Variants in FAM162A observed in about 807,000 individuals in gnomAD.
FAM162A encodes family with sequence similarity 162 member A.
In FAM162A, 23 loss-of-function variants were observed where a neutral mutation model predicts 21.8. The ratio of observed to expected loss-of-function variants is 1.05; its 90% confidence interval spans 0.76 to 1.49. The LOEUF (loss-of-function observed/expected upper bound fraction) is 1.49, where lower values mean the gene tolerates loss of function less well. FAM162A is among the 40% of genes most tolerant of loss of function. The probability of loss-of-function intolerance (pLI) is 0.00; values close to 1 mark genes in which losing one functional copy is unlikely to be tolerated. For synonymous variants in FAM162A, 53 were observed against 61.3 expected, an observed-to-expected ratio of 0.86 and a Z score of 0.64; for missense variants, 165 against 186.4, an observed-to-expected ratio of 0.89 and a Z score of 0.67.
At position 122,410,535 on chromosome 3, in the gene FAM162A, C is replaced by CTGTT. The variant is rs1476735765; in HGVS notation, c.*705_*708dup. ...ATTATAAAAATCTCATGTATTATTA[C>CTGTT]TGTTAGAAGTATTTGCACCTCATAT... On this transcript the variant is annotated 3_prime_UTR_variant, in exon 5 of 5. Coordinates refer to ENST00000477892, the MANE Select transcript of FAM162A (RefSeq NM_014367.4). The CTGTT allele has an allele frequency of 6.6e-6, 1 of 152,578 alleles. No homozygotes were observed. Among genetic ancestry groups the CTGTT allele is most frequent in the African/African-American group, 2.4e-5 (1 of 41,446 alleles). The allele number at this position is 152,578 out of a possible 1,614,324, so 9.5% of individuals were successfully genotyped here.
rs556292604 is a variant in FAM162A, at chr3:122,410,197, T to C, written c.*366T>C. On this transcript the variant is annotated 3_prime_UTR_variant, in exon 5 of 5. Transcript: ENST00000477892. ...AGATAAGGAAGGCCAGTTGAGTATATGGCCCAGGTGCAGCTTGGAGGGCCA... is the reference window on the plus strand; with the variant it reads ...AGATAAGGAAGGCCAGTTGAGTATACGGCCCAGGTGCAGCTTGGAGGGCCA... The C allele has an allele frequency of 2.9e-6, 1 of 343,898 alleles. No homozygotes were observed. 21.3% of individuals were successfully genotyped at this position (343,898 alleles called of 1,614,324 possible). A position where few individuals can be genotyped will look rare whatever the true frequency, so the allele number is the denominator to read the frequency against.
At chr3:122,392,065 A>G (rs1386081947) in intron 1 of FAM162A, among the ~76,000 whole-genome samples, 1 of 152,234 alleles carries the variant, frequency 6.6e-6, no homozygotes, top group East Asian at 1.9e-4. Context: ...GAATTACTCC[A>G]ACATACATCG....
intron 1 of FAM162A, among the ~76,000 whole-genome samples, chr3:122,390,678 A>C (rs976638131): frequency 2.0e-5 from 3 of 152,350 alleles, no homozygotes; most frequent in Non-Finnish European, 4.4e-5. Flanking sequence ...GGTCCCCCAT[A>C]GCAGAAGTTT....
intron 1 of FAM162A, among the ~76,000 whole-genome samples, chr3:122,392,086 T>G (rs976012213): frequency 6.6e-6 from 1 of 152,252 alleles, no homozygotes; most frequent in African/African-American, 2.4e-5. Flanking sequence ...ATGTCACTGA[T>G]AGTAGGTATA....
intron 1 of FAM162A, chr3:122,401,615 G>A (rs1029417084): frequency 1.6e-5 from 17 of 1,055,710 alleles, no homozygotes; most frequent in Non-Finnish European, 1.7e-5. Context: ...TGGAAGTATA[G>A]TCTGATTAAA....
At chr3:122,401,821 T>C (rs1209263841) in intron 1 of FAM162A, among the ~76,000 whole-genome samples, 1 of 152,214 alleles carries the variant, frequency 6.6e-6, no homozygotes, top group East Asian at 1.9e-4. Flanking sequence ...GCTGGTGTTT[T>C]TTTTCTTGAT....
intron 3 of FAM162A, among the ~76,000 whole-genome samples, chr3:122,406,307 A>G (rs1261442138): frequency 1.3e-5 from 2 of 152,194 alleles, no homozygotes; most frequent in East Asian, 1.9e-4. Context: ...ATGCATGCCT[A>G]TAGCCCCGGC....
intron 4 of FAM162A, 25 bp downstream of exon 4, chr3:122,407,414 C>T (rs2075681862): frequency 1.3e-6 from 2 of 1,552,728 alleles, no homozygotes; most frequent in African/African-American, 1.4e-5. Flanking sequence ...CTTCTCTATC[C>T]AGTATGTATG....
intron 4 of FAM162A, among the ~76,000 whole-genome samples, chr3:122,408,292 C>G (rs895427123): frequency 6.6e-6 from 1 of 152,214 alleles, no homozygotes; most frequent in Admixed American, 6.5e-5. Flanking sequence ...ACTATACTAT[C>G]TTGCTATTAA....
intron 4 of FAM162A, 113 bp from the exon 5 acceptor site, chr3:122,409,626 G>A (rs534762763): frequency 2.4e-6 from 2 of 850,002 alleles, no homozygotes; most frequent in Non-Finnish European, 3.9e-6. Context: ...TGTGCAAGCA[G>A]CAGAGGACTC....
intron 3 of FAM162A, 24 bp downstream of exon 3, chr3:122,404,387 A>C (rs774228053): frequency 7.6e-7 from 1 of 1,313,972 alleles, no homozygotes; most frequent in South Asian, 1.3e-5. Flanking sequence ...TTAGTATTAC[A>C]AGCAGCTTTC....
intron 1 of FAM162A, among the ~76,000 whole-genome samples, chr3:122,400,815 G>A (rs59969198): frequency 7.0e-4 from 105 of 150,862 alleles, no homozygotes; most frequent in African/African-American, 2.2e-3. Flanking sequence ...CACCAAGAGC[G>A]AAACTCCATC....
At chr3:122,396,726 C>T (rs1392979943) in intron 1 of FAM162A, among the ~76,000 whole-genome samples, 4 of 152,048 alleles carry the variant, frequency 2.6e-5, no homozygotes, top group African/African-American at 7.2e-5. Context: ...GTGGAAACCA[C>T]CCAAATGTCC....
intron 1 of FAM162A, among the ~76,000 whole-genome samples, chr3:122,396,438 C>T (rs1175175255): frequency 6.6e-6 from 1 of 152,138 alleles, no homozygotes; most frequent in Non-Finnish European, 1.5e-5. Context: ...TAACTTAAGA[C>T]TACAATGAGA....
intron 1 of FAM162A, among the ~76,000 whole-genome samples, chr3:122,396,918 A>C (rs1348709134): frequency 1.9e-5 from 2 of 104,248 alleles, no homozygotes; most frequent in African/African-American, 3.8e-5. Context: ...AGAATATGTA[A>C]ATCCATAGAG....
chr3:122,395,452 T>A (rs1331637344), intron 1 of FAM162A, among the ~76,000 whole-genome samples: 1 of 152,126 alleles, frequency 6.6e-6, no homozygotes, highest in African/African-American at 2.4e-5. Context: ...TGAAGAAAAT[T>A]CCATTTATAA....
intron 1 of FAM162A, among the ~76,000 whole-genome samples, chr3:122,389,695 A>T (rs1240972328): frequency 6.6e-6 from 1 of 152,192 alleles, no homozygotes; most frequent in South Asian, 2.1e-4. Context: ...ACATAGCAAG[A>T]TACAGTATTA....
intron 3 of FAM162A, among the ~76,000 whole-genome samples, chr3:122,404,929 T>A (rs1345153405): frequency 6.6e-6 from 1 of 152,220 alleles, no homozygotes; most frequent in Non-Finnish European, 1.5e-5. Context: ...TTGATAATGC[T>A]TTGTGGCAGG....
intron 1 of FAM162A, among the ~76,000 whole-genome samples, chr3:122,391,139 C>G (rs906660697): frequency 2.6e-5 from 4 of 152,140 alleles, no homozygotes; most frequent in African/African-American, 7.2e-5. Context: ...AAAACCAAGA[C>G]CACATCAAAT....
Sources: gnomAD v4.1 joint callset for allele counts (sites outside exome capture counted in the v4.1 genomes callset) on GRCh38, gnomAD v4.1.1 for gene constraint, MANE v1.5 for transcripts, NCBI Gene and HGNC (gene_info 2026-07-23, HGNC 2026-07-21) for gene names.